WDPCP: variants seen among roughly 807,000 people sequenced by gnomAD.
WDPCP encodes the protein WD repeat-containing and planar cell polarity effector protein fritz homolog.
In WDPCP, 71 loss-of-function variants were observed where a neutral mutation model predicts 93.1. The ratio of observed to expected loss-of-function variants is 0.76; its 90% CI spans 0.63 to 0.93. The LOEUF (loss-of-function observed/expected upper bound fraction) is 0.93. Ranked by LOEUF, WDPCP falls within the 40% of genes least tolerant of loss-of-function variation. The pLI, the probability that WDPCP is intolerant of heterozygous loss-of-function variation, is 0.00. For synonymous variants in WDPCP, 315 were observed against 315.0 expected, an observed-to-expected ratio of 1.00 and a Z score of 0.00; for missense variants, 844 against 887.4, an observed-to-expected ratio of 0.95 and a Z score of 0.62.
chr2:63,148,106 T>G (rs1254601956), intron 17 of WDPCP, among the ~76,000 whole-genome samples: 1 of 152,172 alleles, frequency 6.6e-6, no homozygotes, highest in Non-Finnish European at 1.5e-5. Context: ...TATTTTAACA[T>G]TGGCTTGTAG....
At chr2:63,671,295 G>A (rs1460026859) in intron 2 of WDPCP, among the ~76,000 whole-genome samples, 3 of 152,116 alleles carry the variant, frequency 2.0e-5, no homozygotes, top group Non-Finnish European at 2.9e-5. Flanking sequence ...CCTAGCCAAT[G>A]ACAAAGTGCA....
chr2:63,741,452 T>C (rs1037379908), intron 2 of WDPCP, among the ~76,000 whole-genome samples: 2 of 152,084 alleles, frequency 1.3e-5, no homozygotes, highest in African/African-American at 2.4e-5. Flanking sequence ...GAGTGGGAAA[T>C]GGTTTAAGTA....
At chr2:63,672,082 A>T (rs1021516589) in intron 2 of WDPCP, among the ~76,000 whole-genome samples, 2 of 152,204 alleles carry the variant, frequency 1.3e-5, no homozygotes, top group African/African-American at 4.8e-5. Context: ...TGATCTCTAC[A>T]TTATAGGGGG....
At chr2:63,244,524 C>T (rs1016853208) in intron 14 of WDPCP, among the ~76,000 whole-genome samples, 11 of 152,032 alleles carry the variant, frequency 7.2e-5, no homozygotes, top group African/African-American at 2.7e-4. Context: ...TCCGAAATGA[C>T]AAACATGACA....
In WDPCP at chr2:63,381,926, TTCTG is replaced by T; in HGVS notation, c.1600_1603del (p.Gln534SerfsTer59). 1.9e-6 allele frequency: 3 copies of T among 1,613,464 alleles called. No homozygotes were observed. Among genetic ancestry groups the T allele is most frequent in the Non-Finnish European group, 1.7e-6 (2 of 1,179,674 alleles). On this transcript the variant is annotated frameshift_variant, in exon 11 of 18. Transcript: ENST00000272321. LOFTEE classifies it high-confidence loss of function. ...CTGACCTTCTCTCTCTGGAGTGAGC[TTCTG>T]TCTAAGAAGATGGTTTACAATGGCG...
At chr2:63,349,187 T>C (rs567288748) in intron 12 of WDPCP, among the ~76,000 whole-genome samples, 181 of 152,314 alleles carry the variant, frequency 1.2e-3, no homozygotes, top group African/African-American at 4.0e-3. Flanking sequence ...TTAGTCAAAG[T>C]TCCTGGTTTT....
At chr2:63,607,597 G>A (rs981488091) in intron 3 of WDPCP, among the ~76,000 whole-genome samples, 23 of 152,028 alleles carry the variant, frequency 1.5e-4, no homozygotes, top group African/African-American at 5.5e-4. Context: ...TTGGGAGGCA[G>A]AGGCGGGCGG....
At chr2:63,256,079 A>G (rs1245374187) in intron 14 of WDPCP, among the ~76,000 whole-genome samples, 4 of 152,170 alleles carry the variant, frequency 2.6e-5, no homozygotes, top group African/African-American at 9.7e-5. Context: ...TTGGAAAACA[A>G]TATTATAAAG....
intron 15 of WDPCP, among the ~76,000 whole-genome samples, chr2:63,173,394 C>T (rs1673553720): frequency 6.6e-6 from 1 of 152,086 alleles, no homozygotes; most frequent in African/African-American, 2.4e-5. Flanking sequence ...CCTAATGAGG[C>T]GAGCAGAACT....
At chr2:63,393,387 G>A (rs967588440) in intron 10 of WDPCP, among the ~76,000 whole-genome samples, 33 of 152,066 alleles carry the variant, frequency 2.2e-4, no homozygotes, top group African/African-American at 4.8e-4. Flanking sequence ...GCCTGTCAGC[G>A]GGTGGGGGGC....
chr2:63,369,849 C>A (rs1179189089), intron 12 of WDPCP, among the ~76,000 whole-genome samples: 3 of 152,096 alleles, frequency 2.0e-5, no homozygotes, highest in African/African-American at 7.2e-5. Flanking sequence ...AGACAAAATA[C>A]CATTCATAAT....
chr2:63,609,242 C>T (rs1709589067), intron 3 of WDPCP, among the ~76,000 whole-genome samples: 2 of 152,100 alleles, frequency 1.3e-5, no homozygotes, highest in East Asian at 1.9e-4. Context: ...TGGCGCATGC[C>T]TGTAATCCCA....
chr2:63,461,811 C>T (rs963053406), intron 6 of WDPCP, among the ~76,000 whole-genome samples: 15 of 152,206 alleles, frequency 9.9e-5, no homozygotes, highest in African/African-American at 3.4e-4. Context: ...TATCCCCTTA[C>T]CCACGTTTCT....
intron 14 of WDPCP, among the ~76,000 whole-genome samples, chr2:63,246,276 C>T (rs1680265857): frequency 6.6e-6 from 1 of 152,138 alleles, no homozygotes; most frequent in African/African-American, 2.4e-5. Context: ...TCACCAGGGC[C>T]ATCTTTCCTG....
At chr2:63,330,848 T>A (rs1216649959) in intron 12 of WDPCP, among the ~76,000 whole-genome samples, 1 of 151,256 alleles carries the variant, frequency 6.6e-6, no homozygotes, top group Non-Finnish European at 1.5e-5. Context: ...AGGATGCATA[T>A]GTTCACTGTT....
At chr2:63,832,578 T>C (rs545822737), upstream of WDPCP, among the ~76,000 whole-genome samples, 3 of 152,338 alleles carry the variant, frequency 2.0e-5, no homozygotes, top group African/African-American at 4.8e-5. Flanking sequence ...TTTTGTGTTA[T>C]AAAAGTACAT....
intron 1 of WDPCP, among the ~76,000 whole-genome samples, chr2:63,525,435 T>G (rs1263801783): frequency 9.9e-5 from 15 of 152,064 alleles, no homozygotes; most frequent in Admixed American, 9.2e-4. Context: ...GAATAAAAAG[T>G]CTCTTTCTCT....
intron 12 of WDPCP, among the ~76,000 whole-genome samples, chr2:63,366,320 T>G (rs1020993573): frequency 6.6e-6 from 1 of 152,008 alleles, no homozygotes; most frequent in African/African-American, 2.4e-5. Context: ...AAAGTCTTAT[T>G]CCTTAGCATT....
At chr2:63,229,936 ATTTTTAT>A (rs1464938053) in intron 14 of WDPCP, 3 of 153,052 alleles carry the variant, frequency 2.0e-5, no homozygotes, top group African/African-American at 7.3e-5. Flanking sequence ...ACTAGTTTTT[ATTTTTAT>A]TTTTTATTAT....
Sources: gnomAD v4.1 joint callset for allele counts (sites outside exome capture counted in the v4.1 genomes callset) on GRCh38, gnomAD v4.1.1 for gene constraint, MANE v1.5 for transcripts, NCBI Gene and HGNC (gene_info 2026-07-23, HGNC 2026-07-21) for gene names.